PHACTR3: variants seen among roughly 807,000 people sequenced by gnomAD.
PHACTR3 encodes protein phosphatase 1, regulatory subunit 123.
In PHACTR3, 16 loss-of-function variants were observed where a neutral mutation model predicts 66.8. The ratio of observed to expected loss-of-function variants is 0.24; its 90% CI spans 0.16 to 0.36. The LOEUF is 0.36. Among genes scored for constraint, PHACTR3 ranks in the 10% least tolerant of loss-of-function variants. PHACTR3 has a pLI of 1.00. For synonymous variants in PHACTR3, 323 were observed against 292.1 expected (o/e 1.11, Z -1.08); for missense variants, 647 against 719.9 (o/e 0.90, Z 1.16).
intron 1 of PHACTR3, among the ~76,000 whole-genome samples, chr20:59,634,796 G>A (rs867456743): frequency 2.6e-5 from 4 of 152,208 alleles, no homozygotes; most frequent in Admixed American, 6.5e-5. Flanking sequence ...CCGGGATTGC[G>A]CCGCTGGCCG....
At chr20:59,671,457 A>G (rs952588443) in intron 1 of PHACTR3, among the ~76,000 whole-genome samples, 1 of 152,200 alleles carries the variant, frequency 6.6e-6, no homozygotes, top group Non-Finnish European at 1.5e-5. Context: ...GTGGAAAGGA[A>G]AGGTAGAAAC....
Position 59,774,596 on chromosome 20 carries a change from G to A in PHACTR3, c.1174+106G>A, listed in dbSNP as rs1601325655. 2.8e-6 allele frequency: 4 copies of A among 1,441,634 alleles called. No homozygotes were observed. The East Asian group carries it at 7.0e-5, about 25-fold the overall frequency. 89.3% of individuals were successfully genotyped at this position (1,441,634 alleles called of 1,614,324 possible). A position where few individuals can be genotyped will look rare whatever the true frequency, so the allele number is the denominator to read the frequency against. On this transcript the variant is annotated intron_variant, in intron 7 of 12. Transcript: ENST00000371015. ...GCCTGGGGGAGGAACAGGTCGAGGG[G>A]CTGCACCTGGGGAGAAACAAGAGGG...
chr20:59,785,872 CCCTACTTCATTTTGTTTTCCAACGGCCCT>C (rs2040891523), intron 7 of PHACTR3, among the ~76,000 whole-genome samples: 3 of 47,654 alleles, frequency 6.3e-5, no homozygotes, highest in Admixed American at 2.8e-4. Flanking sequence ...CTTCTGCATC[CCCTACTTCATTTTGTTTTCCAACGGCCCT>C]CTGCATCCCC....
chr20:59,591,439 A>G (rs536289877), intron 1 of PHACTR3, among the ~76,000 whole-genome samples: 1 of 152,198 alleles, frequency 6.6e-6, no homozygotes, highest in African/African-American at 2.4e-5. Flanking sequence ...CATGCGGGGA[A>G]CTTGGTGGGT....
At chr20:59,591,655 C>A (rs750294076) in intron 1 of PHACTR3, among the ~76,000 whole-genome samples, 4 of 151,948 alleles carry the variant, frequency 2.6e-5, no homozygotes, top group Non-Finnish European at 2.9e-5. Context: ...TGGTCTCACC[C>A]GTTGAGACCC....
At position 59,748,786 on chromosome 20, in the gene PHACTR3, T is replaced by C. The variant is rs139921643; in HGVS notation, c.358+951T>C. ...CATAGCCAGTTTCCTGAGGCTTGCA[T>C]GGATATATTGAATTCCTCTCTCCCC... is the stretch of plus-strand genomic sequence containing the variant. On this transcript the variant is annotated intron_variant, in intron 3 of 12. Transcript: ENST00000371015. 4.4e-3 allele frequency among the ~76,000 whole-genome samples: 664 copies of C among 152,308 alleles called. 6 individuals carry two copies. Among genetic ancestry groups the C allele is most frequent in the African/African-American group, 0.015 (603 of 41,568 alleles).
chr20:59,823,009 A>G (rs1352059483), intron 8 of PHACTR3, among the ~76,000 whole-genome samples: 2 of 152,186 alleles, frequency 1.3e-5, no homozygotes, highest in African/African-American at 4.8e-5. Context: ...GCGTCCAAGG[A>G]GGAAAGCGGA....
chr20:59,658,187 TTATC>T (rs2035687381), intron 1 of PHACTR3, among the ~76,000 whole-genome samples: 1 of 152,178 alleles, frequency 6.6e-6, no homozygotes, highest in Non-Finnish European at 1.5e-5. Context: ...TTTATTGACA[TTATC>T]TATTTGCCAA....
At chr20:59,842,158 TTTGGTGAGCACAGAGAGGGTCAG>T (rs2059075624) in intron 11 of PHACTR3, among the ~76,000 whole-genome samples, 1 of 152,150 alleles carries the variant, frequency 6.6e-6, no homozygotes, top group Admixed American at 6.5e-5. Flanking sequence ...CTGCATGACA[TTTGGTGAGCACAGAGAGGGTCAG>T]TTCTTGTCTG....
chr20:59,686,524 TTGATGGTGATGATGATGGTCGTGATGA>T (rs1267299784), intron 1 of PHACTR3, among the ~76,000 whole-genome samples: 50 of 146,432 alleles, frequency 3.4e-4, no homozygotes, highest in Admixed American at 1.3e-3. Flanking sequence ...GATTGTGATG[TTGATGGTGATGATGATGGTCGTGATGA>T]TGATGGTGAT....
rs537048186 is a variant in PHACTR3 at position 59,647,192 on chromosome 20, G to A, written c.118+42060G>A. On this transcript the variant is annotated intron_variant, in intron 1 of 12. Transcript: ENST00000371015. ...TGGCGGAAGGCAAAGGAGAAGCAAA[G>A]GCATGTCTTACATGGCAGCAGGCAA... 5.9e-5 allele frequency among the ~76,000 whole-genome samples: 9 copies of A among 152,312 alleles called. No individual in the cohort carries two copies. In the East Asian group the frequency reaches 1.5e-3, roughly 26 times the overall value.
At chr20:59,592,269 AC>A (rs2033205645) in intron 1 of PHACTR3, among the ~76,000 whole-genome samples, 1 of 152,058 alleles carries the variant, frequency 6.6e-6, no homozygotes, top group African/African-American at 2.4e-5. Context: ...CGGCCTTTGC[AC>A]CAGTATTTCT....
intron 1 of PHACTR3, among the ~76,000 whole-genome samples, chr20:59,641,514 G>T (rs866606299): frequency 1.3e-5 from 2 of 152,188 alleles, no homozygotes; most frequent in Non-Finnish European, 1.5e-5. Flanking sequence ...TTCTTATTCC[G>T]TCTTCCTGCT....
intron 7 of PHACTR3, among the ~76,000 whole-genome samples, chr20:59,786,063 T>C (rs1428297899): frequency 6.6e-6 from 1 of 152,232 alleles, no homozygotes; most frequent in Non-Finnish European, 1.5e-5. Flanking sequence ...CCTGTGATGC[T>C]CAAACTTCTG....
intron 1 of PHACTR3, among the ~76,000 whole-genome samples, chr20:59,674,213 C>T (rs2036294759): frequency 1.3e-5 from 2 of 150,684 alleles, no homozygotes; most frequent in South Asian, 4.2e-4. Context: ...GTCAAGACAG[C>T]CTGTGGCTGC....
intron 1 of PHACTR3, among the ~76,000 whole-genome samples, chr20:59,637,218 G>T (rs1291401864): frequency 1.3e-5 from 2 of 152,192 alleles, no homozygotes; most frequent in Non-Finnish European, 2.9e-5. Context: ...ACTCAGGGCT[G>T]CTGGAGCTGG....
chr20:59,672,632 C>G (rs946543596), intron 1 of PHACTR3, among the ~76,000 whole-genome samples: 2 of 152,200 alleles, frequency 1.3e-5, no homozygotes, highest in Non-Finnish European at 2.9e-5. Context: ...GCACTCGGCA[C>G]ATGGAACCTG....
At chr20:59,838,633 C>G (rs1400731430) in intron 9 of PHACTR3, among the ~76,000 whole-genome samples, 1 of 152,160 alleles carries the variant, frequency 6.6e-6, no homozygotes, top group East Asian at 1.9e-4. Context: ...AAGGATAGCA[C>G]TAGAGTTCAA....
chr20:59,673,803 A>G (rs1336534718), intron 1 of PHACTR3, among the ~76,000 whole-genome samples: 2 of 151,716 alleles, frequency 1.3e-5, no homozygotes, highest in African/African-American at 4.8e-5. Context: ...TGGTATCTAC[A>G]CCCCTCCCAA....
Sources: allele counts gnomAD v4.1 joint callset (sites outside exome capture counted in the v4.1 genomes callset), GRCh38; gene constraint gnomAD v4.1.1; transcripts MANE v1.5; gene names NCBI Gene and HGNC (gene_info 2026-07-23, HGNC 2026-07-21).